The following RBFOX1 variants were observed in gnomAD, a reference collection of about 807,000 sequenced individuals.
The protein encoded by RBFOX1 is RNA binding protein fox-1 homolog 1.
Under a neutral mutation model 57.7 loss-of-function variants are expected in RBFOX1, and 8 were observed. The ratio of observed to expected loss-of-function variants is 0.14; its 90% CI spans 0.08 to 0.25. The LOEUF is 0.25. RBFOX1 is among the 10% of genes least tolerant of loss of function. RBFOX1 has a pLI of 1.00. For synonymous variants in RBFOX1, 326 were observed against 222.4 expected (o/e 1.47, Z -4.15); for missense variants, 611 against 548.5 (o/e 1.11, Z -1.14).
At chr16:7,302,716 A>G (rs1408039879) in intron 4 of RBFOX1, among the ~76,000 whole-genome samples, 1 of 148,030 alleles carries the variant, frequency 6.8e-6, no homozygotes, top group East Asian at 2.0e-4. Flanking sequence ...TCACGATTTT[A>G]TTGCTGCCAA....
chr16:6,840,819 G>A (rs1205343843), intron 3 of RBFOX1, among the ~76,000 whole-genome samples: 1 of 151,062 alleles, frequency 6.6e-6, no homozygotes, highest in African/African-American at 2.4e-5. Flanking sequence ...CCTGGGAGGT[G>A]GAGGTTGTGG....
At chr16:7,582,008 C>G (rs1466620355) in intron 6 of RBFOX1, among the ~76,000 whole-genome samples, 4 of 145,620 alleles carry the variant, frequency 2.7e-5, no homozygotes, top group Non-Finnish European at 6.0e-5. Flanking sequence ...AAGATGTGAG[C>G]TATTGCACCC....
intron 4 of RBFOX1, among the ~76,000 whole-genome samples, chr16:7,445,071 C>G (rs559434827): frequency 2.1e-4 from 31 of 150,116 alleles, no homozygotes; most frequent in Non-Finnish European, 3.7e-4. Context: ...CTTGACTGCC[C>G]GGAAAAATAC....
chr16:6,133,091 A>G (rs955511607), intron 1 of RBFOX1, among the ~76,000 whole-genome samples: 2 of 150,520 alleles, frequency 1.3e-5, no homozygotes, highest in African/African-American at 2.5e-5. Context: ...ATTCGTCTCC[A>G]TGTCATTTTA....
intron 3 of RBFOX1, among the ~76,000 whole-genome samples, chr16:5,752,560 C>A (rs532010266): frequency 6.6e-6 from 1 of 152,162 alleles, no homozygotes; most frequent in African/African-American, 2.4e-5. Context: ...AAATAAATTG[C>A]TTCATGGGCC....
At chr16:7,113,844 A>G (rs537599001) in intron 4 of RBFOX1, among the ~76,000 whole-genome samples, 4 of 152,196 alleles carry the variant, frequency 2.6e-5, no homozygotes, top group African/African-American at 9.6e-5. Flanking sequence ...TCCCACTACC[A>G]AGTTTTCACA....
chr16:6,777,142 C>G (rs992003050), intron 3 of RBFOX1, among the ~76,000 whole-genome samples: 2 of 151,190 alleles, frequency 1.3e-5, no homozygotes, highest in Non-Finnish European at 3.0e-5. Context: ...ATGCGATGTG[C>G]TACACATTTT....
intron 1 of RBFOX1, among the ~76,000 whole-genome samples, chr16:6,169,071 T>G (rs1567603986): frequency 6.6e-6 from 1 of 152,194 alleles, no homozygotes; most frequent in Admixed American, 6.5e-5. Context: ...TCACTTCGTT[T>G]AGCCACATTC....
chr16:6,810,861 C>G (rs1014981514), intron 3 of RBFOX1, among the ~76,000 whole-genome samples: 3 of 152,150 alleles, frequency 2.0e-5, no homozygotes, highest in Admixed American at 2.0e-4. Flanking sequence ...AATCACAAGC[C>G]TCCCTCAACA....
At chr16:5,670,410 C>A (rs916468692) in intron 3 of RBFOX1, among the ~76,000 whole-genome samples, 2 of 152,182 alleles carry the variant, frequency 1.3e-5, no homozygotes, top group Non-Finnish European at 2.9e-5. Context: ...CAAAATTATT[C>A]TGTAGCCCAT....
At chr16:5,311,660 A>T (rs982144708) in intron 1 of RBFOX1, among the ~76,000 whole-genome samples, 1 of 151,936 alleles carries the variant, frequency 6.6e-6, no homozygotes, top group African/African-American at 2.4e-5. Context: ...TATGTTGAGA[A>T]TTTTTTCCTA....
chr16:6,922,121 C>T (rs982092425), intron 3 of RBFOX1, among the ~76,000 whole-genome samples: 2 of 152,106 alleles, frequency 1.3e-5, no homozygotes, highest in Non-Finnish European at 2.9e-5. Context: ...ACAGGCTGTT[C>T]CCTGTGCAAC....
At chr16:6,175,050 C>G (rs923581359) in intron 1 of RBFOX1, among the ~76,000 whole-genome samples, 4 of 152,188 alleles carry the variant, frequency 2.6e-5, no homozygotes, top group African/African-American at 9.7e-5. Flanking sequence ...CCATACGTAT[C>G]TCCCAGAGTT....
chr16:6,032,829 T>A (rs2095309328), intron 1 of RBFOX1, among the ~76,000 whole-genome samples: 1 of 151,912 alleles, frequency 6.6e-6, no homozygotes, highest in Non-Finnish European at 1.5e-5. Context: ...ATCTGTGTAA[T>A]ATAATTTGTC....
intron 4 of RBFOX1, among the ~76,000 whole-genome samples, chr16:7,123,168 G>C (rs981336770): frequency 2.0e-5 from 3 of 152,012 alleles, no homozygotes; most frequent in African/African-American, 7.3e-5. Context: ...TTATGAAATT[G>C]TACATCCAAA....
chr16:7,444,688 C>T (rs2098795045), intron 4 of RBFOX1, among the ~76,000 whole-genome samples: 1 of 152,080 alleles, frequency 6.6e-6, no homozygotes, highest in Admixed American at 6.6e-5. Context: ...CACACCACCA[C>T]ACCTGGCTAA....
At position 5,250,723 on chromosome 16, in the gene RBFOX1, A is replaced by G. The variant is rs548860737; in HGVS notation, c.219+10618A>G. 7.2e-4 allele frequency among the ~76,000 whole-genome samples: 109 copies of G among 152,294 alleles called. 1 individual carries two copies. Among genetic ancestry groups the G allele is most frequent in the African/African-American group, 2.4e-3 (98 of 41,552 alleles). ...CCTGGGTATACCACCTTCTTCTCCC[A>G]GCAGGTATTCTGACGTGTGGATGCA... On this transcript the variant is annotated intron_variant, in intron 1 of 2. Coordinates refer to the RBFOX1 transcript ENST00000585867.
At chr16:7,043,607 C>G (rs1215263539) in intron 3 of RBFOX1, among the ~76,000 whole-genome samples, 1 of 152,220 alleles carries the variant, frequency 6.6e-6, no homozygotes, top group Non-Finnish European at 1.5e-5. Context: ...GAGTTCTATG[C>G]TGGTAAACTT....
intron 3 of RBFOX1, among the ~76,000 whole-genome samples, chr16:6,725,042 C>A (rs1037998169): frequency 1.5e-3 from 76 of 49,814 alleles, no homozygotes; most frequent in African/African-American, 3.6e-3. Context: ...TTTTGGCTAG[C>A]TTTTTTTTTT....
Sources: allele counts gnomAD v4.1 joint callset (sites outside exome capture counted in the v4.1 genomes callset), GRCh38; gene constraint gnomAD v4.1.1; transcripts MANE v1.5; gene names NCBI Gene and HGNC (gene_info 2026-07-23, HGNC 2026-07-21).